Variants in KCNQ2 observed in about 807,000 individuals in gnomAD.
The protein encoded by KCNQ2 is potassium voltage-gated channel subfamily Q member 2, also known as potassium voltage-gated channel subfamily KQT member 2.
A neutral mutation model predicts 84.8 loss-of-function variants in KCNQ2; 14 were observed. That is an observed-to-expected ratio of 0.17 (90% confidence interval 0.11 to 0.26). The LOEUF is 0.26. Among genes scored for constraint, KCNQ2 ranks in the 10% least tolerant of loss-of-function variants. KCNQ2 has a pLI of 1.00. For missense variants in KCNQ2, 788 were observed against 1,254.0 expected, an observed-to-expected ratio of 0.63 and a Z score of 5.61; for synonymous variants, 599 against 554.1, an observed-to-expected ratio of 1.08 and a Z score of -1.14.
intron 12 of KCNQ2, among the ~76,000 whole-genome samples, chr20:63,415,384 C>T (rs2080263087): frequency 8.5e-6 from 1 of 117,692 alleles, no homozygotes; most frequent in South Asian, 2.7e-4. Context: ...GGACCGAGCA[C>T]CCGGCGGGAG....
At chr20:63,434,049 A>G in intron 7 of KCNQ2, 146 bp from the exon 8 acceptor site, 1 of 665,138 alleles carries the variant, frequency 1.5e-6, no homozygotes, top group East Asian at 2.7e-5. Flanking sequence ...GCCAGGCCCC[A>G]GTGCTGCATC....
Position 63,408,674 on chromosome 20 carries a change from GC to G in KCNQ2, c.1764-139del. 1 of 1,334,114 alleles carries G rather than the reference GC, an allele frequency of 7.5e-7. No homozygotes were observed. The highest frequency in any genetic ancestry group is 1.0e-6 in the Non-Finnish European group (1 of 964,350). The allele number at this position is 1,334,114 out of a possible 1,614,324, so 82.6% of individuals were successfully genotyped here. On this transcript the variant is annotated intron_variant, in intron 15 of 16. Coordinates refer to ENST00000359125, the MANE Select transcript of KCNQ2 (RefSeq NM_172107.4). The surrounding 1 kb of genome is among the most constrained non-coding windows in gnomAD (Gnocchi z 5.0). ...CAGAGCCGACCAGGGGGCAGTGGGTGCCAGGACAGATGGACGGGGTGCGCCC... is the reference window on the plus strand; with the variant it reads ...CAGAGCCGACCAGGGGGCAGTGGGTGCAGGACAGATGGACGGGGTGCGCCC...
At chr20:63,453,397 G>A (rs1160091853) in intron 1 of KCNQ2, among the ~76,000 whole-genome samples, 3 of 152,218 alleles carry the variant, frequency 2.0e-5, no homozygotes, top group Non-Finnish European at 4.4e-5. Context: ...TCCAAGCCGC[G>A]ATTAATTTCC....
intron 4 of KCNQ2, chr20:63,443,739 G>T (rs2081335378): frequency 6.6e-6 from 1 of 152,290 alleles, no homozygotes; most frequent in South Asian, 2.1e-4. Context: ...TCCACGCCAG[G>T]GTCGGTGGCA....
rs373902907 is a variant in KCNQ2 at position 63,407,195 on chromosome 20, C to A, written c.2068G>T (p.Val690Leu). ...TGGCCCGTGGAGCTGCTGGAGCGCA[C>A]GATCTTGACAATGCAGCCGTGCCTG... ...VDRHGCIVKI[V>L]RSSSSTGQKN... Residue 690 changes from valine (V) to leucine (L), a missense_variant, in exon 17 of 17, where the codon GTG (valine) becomes TTG (leucine). By Grantham distance (32) the Val-to-Leu change is conservative (BLOSUM62 1). Coordinates refer to ENST00000359125, the MANE Select transcript of KCNQ2 (RefSeq NM_172107.4). The surrounding 1 kb of genome is among the most constrained non-coding windows in gnomAD (Gnocchi z 7.2). 1 of 1,606,054 alleles carries A rather than the reference C, an allele frequency of 6.2e-7. No individual in the cohort carries two copies. The highest frequency in any genetic ancestry group is 8.5e-7 in the Non-Finnish European group (1 of 1,179,380).
Position 63,419,814 on chromosome 20 carries a change from G to T in KCNQ2, c.1248-142C>A, listed in dbSNP as rs978417729. On this transcript the variant is annotated intron_variant, in intron 11 of 16. Transcript: ENST00000359125. ...GCTTGCGCCCAAGCAAGGCCAGCGA[G>T]GAAGGTGCACCATCGTCTCCACCGT... 3 of 740,882 alleles carry T rather than the reference G, an allele frequency of 4.0e-6. No homozygotes were observed. In the African/African-American group the frequency reaches 5.2e-5, roughly 13 times the overall value. 45.9% of individuals were successfully genotyped at this position (740,882 alleles called of 1,614,324 possible). A position where few individuals can be genotyped will look rare whatever the true frequency, so the allele number is the denominator to read the frequency against.
chr20:63,462,970 T>C (rs1412263152), intron 1 of KCNQ2, among the ~76,000 whole-genome samples: 2 of 152,068 alleles, frequency 1.3e-5, no homozygotes, highest in African/African-American at 4.8e-5. Flanking sequence ...GCTGACCCGG[T>C]ACGGAGATGG....
At chr20:63,445,744 G>GACCCT (rs1262772166) in intron 2 of KCNQ2, among the ~76,000 whole-genome samples, 4,594 of 132,484 alleles carry the variant, frequency 0.035, 1,516 homozygotes, top group Admixed American at 0.044. Flanking sequence ...TGAGCTGGGA[G>GACCCT]GCCCTGTCTG....
intron 12 of KCNQ2, among the ~76,000 whole-genome samples, chr20:63,416,500 AC>A (rs958106386): frequency 2.0e-5 from 3 of 151,920 alleles, no homozygotes; most frequent in African/African-American, 4.8e-5. Flanking sequence ...CGAACTGGGG[AC>A]CCGCTCATGC....
At chr20:63,424,887 G>A (rs1268696118) in intron 10 of KCNQ2, among the ~76,000 whole-genome samples, 2 of 152,216 alleles carry the variant, frequency 1.3e-5, no homozygotes, top group Non-Finnish European at 2.9e-5. Context: ...TCGAACACCT[G>A]GGCTGGTGCC....
In KCNQ2 at chr20:63,403,539, GTA is replaced by G. The variant is rs2079851804; in HGVS notation, c.*3103_*3104del. 6.6e-6 allele frequency: 1 copy of G among 152,350 alleles called. No individual in the cohort carries two copies. 9.4% of individuals were successfully genotyped at this position (152,350 alleles called of 1,614,324 possible). ...TGCTGTGTGTGGTCTGTGCACTTGT[GTA>G]TGTGTATACTGTGTGTGAGCTACAC... On this transcript the variant is annotated 3_prime_UTR_variant, in exon 17 of 17. Coordinates refer to ENST00000359125, the MANE Select transcript of KCNQ2 (RefSeq NM_172107.4).
Position 63,432,282 on chromosome 20 carries a change from A to G in KCNQ2, c.1119-913T>C, listed in dbSNP as rs570169670. ...AGGCCCCAGCCTCTGGGAAGTCCCCACCCTCAGGGAAGGCTCCACCCACAG... is the reference window on the plus strand; with the variant it reads ...AGGCCCCAGCCTCTGGGAAGTCCCCGCCCTCAGGGAAGGCTCCACCCACAG... On this transcript the variant is annotated intron_variant, in intron 8 of 16. Transcript: ENST00000359125. Among the ~76,000 whole-genome samples, 958 of 147,140 alleles carry G rather than the reference A, an allele frequency of 6.5e-3. 34 individuals carry two copies. Among genetic ancestry groups the G allele is most frequent in the African/African-American group, 0.024 (921 of 38,426 alleles).
chr20:63,404,914 C>T lies in KCNQ2; in HGVS notation c.*1730G>A, dbSNP rs949481830. The stretch of plus-strand genomic sequence containing the variant: ...AGGAGACAGCCCAGCGGAGGCACCT[C>T]AATGGCGACAGGGCCTGGGAGTGCC... On this transcript the variant is annotated 3_prime_UTR_variant, in exon 17 of 17. Coordinates refer to ENST00000359125, the MANE Select transcript of KCNQ2 (RefSeq NM_172107.4). The T allele has an allele frequency of 6.6e-6, 1 of 152,260 alleles. No individual in the cohort carries two copies. The highest frequency in any genetic ancestry group is 2.4e-5 in the African/African-American group (1 of 41,446). The allele number at this position is 152,260 out of a possible 1,614,324, so 9.4% of individuals were successfully genotyped here.
At position 63,405,298 on chromosome 20, in the gene KCNQ2, C is replaced by A. The variant is rs537677397; in HGVS notation, c.*1346G>T. The A allele has an allele frequency of 1.3e-5, 2 of 152,434 alleles. No homozygotes were observed. Among genetic ancestry groups the A allele is most frequent in the East Asian group, 1.9e-4 (1 of 5,178 alleles). 9.4% of individuals were successfully genotyped at this position (152,434 alleles called of 1,614,324 possible). ...GCCTGCGACGCCGTCACGCCAAATG[C>A]CAGATGCTCCCGGGGTCTGGTTCTT... On this transcript the variant is annotated 3_prime_UTR_variant, in exon 17 of 17. Transcript: ENST00000359125.
At chr20:63,454,011 C>T (rs1157243925) in intron 1 of KCNQ2, among the ~76,000 whole-genome samples, 2 of 152,226 alleles carry the variant, frequency 1.3e-5, no homozygotes, top group Non-Finnish European at 2.9e-5. Flanking sequence ...ATGTTCAGGA[C>T]TCAGCCTGCT....
At chr20:63,412,231 G>A (rs1383420034) in intron 15 of KCNQ2, 9 of 245,246 alleles carry the variant, frequency 3.7e-5, no homozygotes, top group African/African-American at 6.9e-5. Context: ...GGAGCCGGCC[G>A]AGGACTCCTG....
chr20:63,430,816 T>G (rs2080766662), intron 9 of KCNQ2, among the ~76,000 whole-genome samples: 1 of 152,210 alleles, frequency 6.6e-6, no homozygotes, highest in Non-Finnish European at 1.5e-5. Flanking sequence ...TGAGGCTAGC[T>G]GGCCCGCAGA....
chr20:63,453,274 G>A (rs1039878301), intron 1 of KCNQ2, among the ~76,000 whole-genome samples: 5 of 152,240 alleles, frequency 3.3e-5, no homozygotes, highest in Admixed American at 6.5e-5. Context: ...CCCCGCCCAC[G>A]TGTGCGACCC....
At chr20:63,437,955 G>A (rs567016670) in intron 7 of KCNQ2, among the ~76,000 whole-genome samples, 2 of 152,106 alleles carry the variant, frequency 1.3e-5, no homozygotes, top group African/African-American at 2.4e-5. Context: ...GATTACAGAC[G>A]CACGCCACCA....
Sources: allele counts gnomAD v4.1 joint callset (sites outside exome capture counted in the v4.1 genomes callset), GRCh38; gene constraint gnomAD v4.1.1; non-coding constraint Gnocchi (gnomAD v3.1); transcripts MANE v1.5; gene names NCBI Gene and HGNC (gene_info 2026-07-23, HGNC 2026-07-21).